Variants in HSD17B2 observed in about 807,000 individuals in gnomAD.
HSD17B2 encodes the protein hydroxysteroid 17-beta dehydrogenase 2.
A neutral mutation model predicts 26.9 loss-of-function variants in HSD17B2; 32 were observed. That is an observed-to-expected ratio of 1.19 (90% CI 0.90 to 1.60). The LOEUF is 1.60. Among genes scored for constraint, HSD17B2 ranks in the 40% most tolerant of loss-of-function variants. The pLI is 0.00. For synonymous variants in HSD17B2, 246 were observed against 186.7 expected (o/e 1.32, Z -2.59); for missense variants, 613 against 468.6 (o/e 1.31, Z -2.85).
At chr16:82,073,728 C>G (rs1281355716) in intron 3 of HSD17B2, among the ~76,000 whole-genome samples, 1 of 152,166 alleles carries the variant, frequency 6.6e-6, no homozygotes, top group Non-Finnish European at 1.5e-5. Flanking sequence ...GAAAAAATCT[C>G]ATGTTCATGG....
intron 1 of HSD17B2, among the ~76,000 whole-genome samples, chr16:82,051,229 G>A (rs755660747): frequency 3.9e-5 from 6 of 152,164 alleles, no homozygotes; most frequent in Admixed American, 2.0e-4. Flanking sequence ...ATAGCATTGC[G>A]TACGGCTCCT....
chr16:82,051,712 T>G (rs934220275), intron 1 of HSD17B2, among the ~76,000 whole-genome samples: 3 of 152,150 alleles, frequency 2.0e-5, no homozygotes, highest in Non-Finnish European at 4.4e-5. Flanking sequence ...GTTCTGCACA[T>G]GTATCCCGGA....
At chr16:82,095,110 G>C (rs72563799) in intron 4 of HSD17B2, 1 of 152,156 alleles carries the variant, frequency 6.6e-6, no homozygotes, top group Non-Finnish European at 1.5e-5. Context: ...ACTCTGGATA[G>C]GTTACCCACA....
intron 4 of HSD17B2, chr16:82,097,342 T>A (rs540333749): frequency 3.0e-5 from 3 of 100,718 alleles, no homozygotes; most frequent in African/African-American, 6.7e-5. Context: ...ATACACATTA[T>A]ATATGTGTAC....
At chr16:82,072,565 C>CT (rs1227863936) in intron 3 of HSD17B2, among the ~76,000 whole-genome samples, 1 of 152,022 alleles carries the variant, frequency 6.6e-6, no homozygotes, top group East Asian at 1.9e-4. Context: ...GGAGGTTTCT[C>CT]TTTTTTTTCC....
At chr16:82,036,940 T>G (rs1913642083) in intron 1 of HSD17B2, among the ~76,000 whole-genome samples, 1 of 152,196 alleles carries the variant, frequency 6.6e-6, no homozygotes, top group South Asian at 2.1e-4. Flanking sequence ...AACCTTAGGA[T>G]GAGCTCAGGC....
chr16:82,046,023 A>G (rs1913916036), intron 1 of HSD17B2, among the ~76,000 whole-genome samples: 1 of 152,230 alleles, frequency 6.6e-6, no homozygotes, highest in Non-Finnish European at 1.5e-5. Flanking sequence ...CCATCTCTCT[A>G]TGAGGCAGGG....
intron 1 of HSD17B2, among the ~76,000 whole-genome samples, chr16:82,059,743 T>C (rs1054168083): frequency 5.3e-5 from 8 of 152,184 alleles, no homozygotes; most frequent in Non-Finnish European, 1.0e-4. Context: ...GGAATGTGTT[T>C]TGCAAAGAGC....
intron 2 of HSD17B2, among the ~76,000 whole-genome samples, chr16:82,069,685 T>G (rs1914653559): frequency 6.6e-6 from 1 of 152,228 alleles, no homozygotes; most frequent in South Asian, 2.1e-4. Flanking sequence ...CCAAGAGTTC[T>G]CAATCCAACT....
intron 1 of HSD17B2, among the ~76,000 whole-genome samples, chr16:82,063,982 C>G (rs1914512627): frequency 6.6e-6 from 1 of 152,120 alleles, no homozygotes. Context: ...ACCTATGAGT[C>G]TCATCTAAGT....
At chr16:82,077,016 G>A (rs1356218411) in intron 3 of HSD17B2, among the ~76,000 whole-genome samples, 2 of 152,110 alleles carry the variant, frequency 1.3e-5, no homozygotes, top group African/African-American at 2.4e-5. Context: ...AGAAATTGAA[G>A]AGGACACAAA....
intron 1 of HSD17B2, among the ~76,000 whole-genome samples, chr16:82,046,692 T>G (rs1051320219): frequency 6.6e-6 from 1 of 151,072 alleles, no homozygotes; most frequent in African/African-American, 2.4e-5. Context: ...AAAAAAAAAA[T>G]CATGAAAATC....
intron 3 of HSD17B2, among the ~76,000 whole-genome samples, chr16:82,080,878 T>C (rs16956373): frequency 0.026 from 3,975 of 152,302 alleles, 185 homozygotes; most frequent in African/African-American, 0.091. Context: ...TACTAGAGAT[T>C]CCATATATCA....
intron 4 of HSD17B2, chr16:82,097,867 G>A (rs566656626): frequency 2.4e-3 from 904 of 378,790 alleles, no homozygotes; most frequent in Non-Finnish European, 3.4e-3. Flanking sequence ...CAACTCTGGA[G>A]GCAGAGGTTG....
intron 1 of HSD17B2, among the ~76,000 whole-genome samples, chr16:82,054,039 C>G (rs1180163840): frequency 6.6e-6 from 1 of 151,916 alleles, no homozygotes; most frequent in African/African-American, 2.4e-5. Context: ...CAGGTCTATC[C>G]ATGCCTTCAA....
intron 3 of HSD17B2, among the ~76,000 whole-genome samples, chr16:82,078,043 G>T (rs924468952): frequency 6.6e-6 from 1 of 152,088 alleles, no homozygotes; most frequent in African/African-American, 2.4e-5. Flanking sequence ...ATCACATCAA[G>T]TTAAAAAGCT....
intron 1 of HSD17B2, among the ~76,000 whole-genome samples, chr16:82,051,624 G>A (rs1013674574): frequency 2.6e-5 from 4 of 152,202 alleles, no homozygotes; most frequent in Non-Finnish European, 4.4e-5. Flanking sequence ...ATGCATGCAG[G>A]GCTTAACACT....
chr16:82,041,987 C>G (rs571508549), intron 1 of HSD17B2, among the ~76,000 whole-genome samples: 3 of 150,604 alleles, frequency 2.0e-5, no homozygotes, highest in Non-Finnish European at 4.4e-5. Flanking sequence ...TTTTCCCTTT[C>G]TTTTCTTTTC....
Position 82,071,078 on chromosome 16 carries a change from T to G in HSD17B2, c.615T>G (p.Pro205=). ...GTVEVTKTFL[P]LLRKSKGRLV... ...TGGAGGTCACAAAGACGTTTTTGCC[T>G]CTTCTTAGAAAATCCAAAGGGAGGC... Residue 205 remains proline, a synonymous_variant, in exon 3 of 5, where the codon CCT becomes CCG. Transcript: ENST00000199936. 1 of 1,614,196 alleles carries G rather than the reference T, an allele frequency of 6.2e-7. No homozygotes were observed. The highest frequency in any genetic ancestry group is 8.5e-7 in the Non-Finnish European group (1 of 1,180,030).
Sources: allele counts gnomAD v4.1 joint callset (sites outside exome capture counted in the v4.1 genomes callset), GRCh38; gene constraint gnomAD v4.1.1; transcripts MANE v1.5; gene names NCBI Gene and HGNC (gene_info 2026-07-23, HGNC 2026-07-21).